Variants in GMDS observed in about 807,000 individuals in gnomAD.
The protein encoded by GMDS is GDP-mannose 4,6 dehydratase.
GMDS carries 20 observed loss-of-function variants against 49.9 expected under a neutral mutation model. That is an observed-to-expected ratio of 0.40 (90% CI 0.28 to 0.58). The LOEUF is 0.58. Among genes scored for constraint, GMDS ranks in the 20% least tolerant of loss-of-function variants. The pLI, the probability that GMDS is intolerant of heterozygous loss-of-function variation, is 0.42. For missense variants in GMDS, 362 were observed against 481.4 expected, an observed-to-expected ratio of 0.75 and a Z score of 2.32; for synonymous variants, 177 against 178.6, an observed-to-expected ratio of 0.99 and a Z score of 0.07.
chr6:1,791,544 A>G (rs1214048511), intron 7 of GMDS, among the ~76,000 whole-genome samples: 3 of 152,188 alleles, frequency 2.0e-5, no homozygotes, highest in Non-Finnish European at 2.9e-5. Flanking sequence ...ATCTCCAAAT[A>G]CGATCACATT....
chr6:1,930,127 C>G lies in GMDS; in HGVS notation c.747G>C (p.Trp249Cys). The G allele has an allele frequency of 6.2e-7, 1 of 1,612,626 alleles. No individual in the cohort carries two copies. Among genetic ancestry groups the G allele is most frequent in the Non-Finnish European group, 8.5e-7 (1 of 1,179,038 alleles). Residue 249 changes from tryptophan (W) to cysteine (C), a missense_variant, in exon 7 of 11, where the codon TGG becomes TGC. By Grantham distance (215) the Trp-to-Cys change is radical. Transcript: ENST00000380815. ...CCTCCACATAGTCCTTGGCATGGCCCCAATCTCGTTTGGCATCCAGATTTC... is the reference window on the plus strand; with the variant it reads ...CCTCCACATAGTCCTTGGCATGGCCGCAATCTCGTTTGGCATCCAGATTTC... The part of the protein sequence containing the change: ...SLGNLDAKRD[W>C]GHAKDYVEAM...
At chr6:2,101,782 C>A (rs1451664303) in intron 4 of GMDS, among the ~76,000 whole-genome samples, 1 of 151,974 alleles carries the variant, frequency 6.6e-6, no homozygotes, top group Non-Finnish European at 1.5e-5. Context: ...ACAATGGCCA[C>A]ATGAGAAAAC....
intron 1 of GMDS, among the ~76,000 whole-genome samples, chr6:2,222,611 CA>C (rs1008117139): frequency 1.3e-4 from 20 of 152,004 alleles, no homozygotes; most frequent in African/African-American, 4.1e-4. Context: ...CAATTAGGAA[CA>C]AAAAAAGGAA....
intron 7 of GMDS, among the ~76,000 whole-genome samples, chr6:1,850,084 T>C (rs1757590996): frequency 6.6e-6 from 1 of 152,210 alleles, no homozygotes; most frequent in Admixed American, 6.5e-5. Flanking sequence ...CCCAGTGCCT[T>C]TTCTTCCTAA....
chr6:2,034,417 G>A (rs1016973863), intron 4 of GMDS, among the ~76,000 whole-genome samples: 1 of 152,170 alleles, frequency 6.6e-6, no homozygotes, highest in African/African-American at 2.4e-5. Flanking sequence ...GAAAAGGAAT[G>A]TTGGTGCCAA....
intron 4 of GMDS, among the ~76,000 whole-genome samples, chr6:1,969,725 C>T (rs1277445673): frequency 6.6e-6 from 1 of 152,264 alleles, no homozygotes; most frequent in East Asian, 1.9e-4. Context: ...TCCCTTCCTT[C>T]CCCCAAGAGG....
intron 4 of GMDS, among the ~76,000 whole-genome samples, chr6:2,010,084 T>C (rs1187219343): frequency 6.6e-6 from 1 of 152,028 alleles, no homozygotes; most frequent in Admixed American, 6.6e-5. Context: ...ATCCCAGCAC[T>C]TTGGGAGGCC....
At chr6:1,641,595 A>T (rs1763331567) in intron 9 of GMDS, among the ~76,000 whole-genome samples, 1 of 152,172 alleles carries the variant, frequency 6.6e-6, no homozygotes, top group South Asian at 2.1e-4. Context: ...GCAGGCACAG[A>T]AGGTCCCGTG....
chr6:2,051,281 A>G (rs569376087), intron 4 of GMDS, among the ~76,000 whole-genome samples: 66 of 152,320 alleles, frequency 4.3e-4, no homozygotes, highest in African/African-American at 1.5e-3. Context: ...ACCATAAGAC[A>G]GTAAGTTTTT....
chr6:2,082,226 G>A (rs1204877045), intron 4 of GMDS, among the ~76,000 whole-genome samples: 1 of 152,084 alleles, frequency 6.6e-6, no homozygotes, highest in East Asian at 1.9e-4. Flanking sequence ...GACTTTTCAA[G>A]AACCCATCAG....
At chr6:2,047,245 C>T (rs1770074730) in intron 4 of GMDS, among the ~76,000 whole-genome samples, 3 of 152,120 alleles carry the variant, frequency 2.0e-5, no homozygotes, top group Non-Finnish European at 4.4e-5. Flanking sequence ...CTTTGTACTG[C>T]CCTGCATAGT....
chr6:1,815,742 A>G (rs1172477126), intron 7 of GMDS, among the ~76,000 whole-genome samples: 4 of 152,200 alleles, frequency 2.6e-5, no homozygotes, highest in Non-Finnish European at 5.9e-5. Context: ...TTTCTTTTTT[A>G]AATGAAAAGG....
intron 1 of GMDS, among the ~76,000 whole-genome samples, chr6:2,223,726 A>T (rs1002788726): frequency 2.6e-5 from 4 of 152,164 alleles, no homozygotes; most frequent in African/African-American, 9.7e-5. Context: ...GGGTGGGGAA[A>T]AACACAGAGA....
intron 1 of GMDS, among the ~76,000 whole-genome samples, chr6:2,133,172 C>T (rs1775830957): frequency 6.6e-6 from 1 of 152,004 alleles, no homozygotes; most frequent in African/African-American, 2.4e-5. Flanking sequence ...GTCCAGTGTG[C>T]AAGGCCATGC....
At chr6:1,807,097 C>T (rs978689215) in intron 7 of GMDS, among the ~76,000 whole-genome samples, 13 of 151,974 alleles carry the variant, frequency 8.6e-5, no homozygotes, top group Admixed American at 3.9e-4. Context: ...GGCTGGAGTG[C>T]GGTGTGGCAA....
intron 7 of GMDS, among the ~76,000 whole-genome samples, chr6:1,848,112 A>G (rs1757496776): frequency 6.6e-6 from 1 of 152,142 alleles, no homozygotes; most frequent in Non-Finnish European, 1.5e-5. Context: ...AATCATCTCA[A>G]TTTCCAATCT....
intron 9 of GMDS, among the ~76,000 whole-genome samples, chr6:1,630,512 C>T (rs1320505285): frequency 1.3e-5 from 2 of 152,240 alleles, no homozygotes; most frequent in Non-Finnish European, 2.9e-5. Context: ...AACTTTGAGG[C>T]CTTCCCCGTT....
rs549839322 is a variant in GMDS, at chr6:1,719,597, A to G, written c.987+6819T>C. Among the ~76,000 whole-genome samples, 3 of 150,566 alleles carry G rather than the reference A, an allele frequency of 2.0e-5. No homozygotes were observed. The South Asian group carries it at 6.4e-4, about 32-fold the overall frequency. On this transcript the variant is annotated intron_variant, in intron 9 of 10. Transcript: ENST00000380815. ...TGGAAGATAAATAAGGCTTGGTGGA[A>G]CAGGAAGAGCACTGCTGATTTGTTT... is the stretch of plus-strand genomic sequence containing the variant.
chr6:2,235,686 T>A (rs1411910577), intron 1 of GMDS, among the ~76,000 whole-genome samples: 1 of 151,312 alleles, frequency 6.6e-6, no homozygotes, highest in Non-Finnish European at 1.5e-5. Flanking sequence ...GTGGTGCACA[T>A]CTGTGATCCC....
Sources: gnomAD v4.1 joint callset for allele counts (sites outside exome capture counted in the v4.1 genomes callset) on GRCh38, gnomAD v4.1.1 for gene constraint, MANE v1.5 for transcripts, NCBI Gene and HGNC (gene_info 2026-07-23, HGNC 2026-07-21) for gene names.